Variants in MOV10 observed in about 807,000 individuals in gnomAD.
The protein encoded by MOV10 is RNA helicase MOV-10.
In MOV10, 39 loss-of-function variants were observed where a neutral mutation model predicts 108.4. The ratio of observed to expected loss-of-function variants is 0.36; its 90% CI spans 0.28 to 0.47. MOV10 has a LOEUF of 0.47. Among genes scored for constraint, MOV10 ranks in the 20% least tolerant of loss-of-function variants. The pLI is 1.00. For missense variants in MOV10, 952 were observed against 1,297.6 expected, an observed-to-expected ratio of 0.73 and a Z score of 4.09; for synonymous variants, 490 against 523.1, an observed-to-expected ratio of 0.94 and a Z score of 0.86.
At chr1:112,678,420 G>C (rs1039810601) in intron 2 of MOV10, among the ~76,000 whole-genome samples, 2 of 152,022 alleles carry the variant, frequency 1.3e-5, no homozygotes, top group South Asian at 4.1e-4. Context: ...ATATACAAAA[G>C]GAACCCAACT....
intron 14 of MOV10, among the ~76,000 whole-genome samples, chr1:112,697,207 G>C (rs35673543): frequency 0.031 from 4,721 of 152,224 alleles, 121 homozygotes; most frequent in Non-Finnish European, 0.047. Flanking sequence ...TGTAATCCCA[G>C]CACTTTGGGA....
intron 13 of MOV10, 33 bp downstream of exon 13, chr1:112,696,567 C>T (rs765043470): frequency 6.2e-7 from 1 of 1,610,982 alleles, no homozygotes; most frequent in Non-Finnish European, 8.5e-7. Context: ...CAGGTATACA[C>T]CCTGTGTGGG....
At position 112,694,812 on chromosome 1, in the gene MOV10, G is replaced by A. The variant is rs754526699; in HGVS notation, c.1536G>A (p.Thr512=). 15 of 1,613,992 alleles carry A rather than the reference G, an allele frequency of 9.3e-6. No homozygotes were observed. The highest frequency in any genetic ancestry group is 6.7e-5 in the African/African-American group (5 of 74,868). Residue 512 remains threonine (T), a synonymous_variant, in exon 10 of 21, where the codon ACG becomes ACA. Coordinates refer to ENST00000369645, the MANE Select transcript of MOV10 (RefSeq NM_001321324.2). The surrounding 1 kb of genome is among the most constrained non-coding windows in gnomAD (Gnocchi z 4.1). ...EQLQAMRHIV[T]GTTRPAPYII... is the part of the protein sequence containing the mutation. ...TGCAGGCCATGAGGCACATTGTTAC[G>A]GGCACCACCCGTCCAGCCCCCTACA...
In MOV10 at chr1:112,694,328, C is replaced by G; in HGVS notation, c.1296-125C>G. The G allele has an allele frequency of 7.0e-7, 1 of 1,431,914 alleles. No homozygotes were observed. The highest frequency in any genetic ancestry group is 9.7e-7 in the Non-Finnish European group (1 of 1,034,430). 88.7% of individuals were successfully genotyped at this position (1,431,914 alleles called of 1,614,324 possible). On this transcript the variant is annotated intron_variant, in intron 8 of 20. Coordinates refer to ENST00000369645, the MANE Select transcript of MOV10 (RefSeq NM_001321324.2). This position sits in a 1 kb window ranked among gnomAD's most constrained non-coding sequence, Gnocchi z 4.1. Reference sequence around the variant, plus strand: ...TGAGATGCTACGGCAGCTTCCTCTTCTAGAGAACTTGCATAGAGGTCTTGG... The same window carrying G: ...TGAGATGCTACGGCAGCTTCCTCTTGTAGAGAACTTGCATAGAGGTCTTGG...
Position 112,696,667 on chromosome 1 carries a change from G to T in MOV10, c.2019G>T (p.Gly673=). Residue 673 remains glycine (G), a synonymous_variant, in exon 14 of 21, where the codon GGG becomes GGT. Coordinates refer to ENST00000369645, the MANE Select transcript of MOV10 (RefSeq NM_001321324.2). ...MEVKETGDPG[G]QLVLAGDPRQ... is the part of the protein sequence containing the mutation. ...TAAAGGAAACAGGTGATCCAGGAGG[G>T]CAGCTGGTGCTGGCAGGAGACCCTC... 1 of 1,611,228 alleles carries T rather than the reference G, an allele frequency of 6.2e-7. No homozygotes were observed. Among genetic ancestry groups the T allele is most frequent in the Admixed American group, 1.7e-5 (1 of 59,408 alleles).
rs768924193 is a variant in MOV10, at chr1:112,694,775, A to G, written c.1499A>G (p.Asn500Ser). 1 of 1,613,882 alleles carries G rather than the reference A, an allele frequency of 6.2e-7. No individual in the cohort carries two copies. Among genetic ancestry groups the G allele is most frequent in the Non-Finnish European group, 8.5e-7 (1 of 1,179,982 alleles). ...LKLYDRSLES[N>S]PEQLQAMRHI... The stretch of plus-strand genomic sequence containing the variant: ...CTGTACGACCGGAGTCTGGAGTCAA[A>G]CCCAGAGCAGCTGCAGGCCATGAGG... The change falls in exon 10 of 21, where the codon AAC becomes AGC. Residue 500 changes from asparagine to serine, a missense_variant. Around this residue, in one of 5 missense-constraint regions of MOV10, gnomAD observed 453 missense variants for 611.5 expected, o/e 0.74. Transcript: ENST00000369645. The surrounding 1 kb of genome is among the most constrained non-coding windows in gnomAD (Gnocchi z 4.1).
rs1465743811 is a variant in MOV10 at position 112,696,203 on chromosome 1, A to C, written c.1835A>C (p.Lys612Thr). 2 of 1,613,916 alleles carry C rather than the reference A, an allele frequency of 1.2e-6. No homozygotes were observed. The highest frequency in any genetic ancestry group is 1.7e-6 in the Non-Finnish European group (2 of 1,179,984). Residue 612 changes from lysine to threonine, a missense_variant, in exon 12 of 21, where the codon AAG (lysine) becomes ACG (threonine). Transcript: ENST00000369645. ...KGEYVFPAKKKLQEYRVLITT... is the reference protein window; with the variant it reads ...KGEYVFPAKKTLQEYRVLITT... ...GAGTATGTATTTCCCGCCAAGAAGA[A>C]GCTGCAGGAATACCGGGTCTTAATT...
In MOV10 at chr1:112,695,411, C is replaced by T; in HGVS notation, c.1621-5C>T. On this transcript the variant is annotated splice_polypyrimidine_tract_variant and splice_region_variant and intron_variant, in intron 10 of 20. Coordinates refer to ENST00000369645, the MANE Select transcript of MOV10 (RefSeq NM_001321324.2). ...CCTCCCACACTGCGCTTATCTGCAT[C>T]TCAGGTGGTGAAGCACTTGCCCAAA... is the stretch of plus-strand genomic sequence containing the variant. 1 of 1,613,794 alleles carries T rather than the reference C, an allele frequency of 6.2e-7. No individual in the cohort carries two copies. Among genetic ancestry groups the T allele is most frequent in the South Asian group, 1.1e-5 (1 of 91,018 alleles).
chr1:112,686,355 G>A (rs993131506), intron 2 of MOV10, among the ~76,000 whole-genome samples: 7 of 152,186 alleles, frequency 4.6e-5, no homozygotes, highest in African/African-American at 1.7e-4. Flanking sequence ...GAAAGTTACT[G>A]ATGATCTCCT....
At chr1:112,689,387 A>ACCC (rs3833533) in intron 3 of MOV10, 28 bp from the exon 4 acceptor site, 10 of 980,366 alleles carry the variant, frequency 1.0e-5, no homozygotes, top group African/African-American at 1.6e-5. Flanking sequence ...TCCCACCCCA[A>ACCC]CCCCCCCTTG....
chr1:112,699,846 A>G (rs749933263), intron 18 of MOV10, 36 bp downstream of exon 18: 1 of 1,614,014 alleles, frequency 6.2e-7, no homozygotes, highest in Non-Finnish European at 8.5e-7. Context: ...GAATTCTTCC[A>G]TTCTCGGGGC....
intron 6 of MOV10, 63 bp from the exon 7 acceptor site, chr1:112,692,698 A>C: frequency 6.3e-7 from 1 of 1,592,028 alleles, no homozygotes; most frequent in Non-Finnish European, 8.6e-7. Flanking sequence ...ACTCCTGGGC[A>C]TAGGGGTTGT....
chr1:112,698,029 T>C lies in MOV10; in HGVS notation c.2234T>C (p.Leu745Pro). The C allele has an allele frequency of 6.2e-7, 1 of 1,614,174 alleles. No homozygotes were observed. Among genetic ancestry groups the C allele is most frequent in the Non-Finnish European group, 8.5e-7 (1 of 1,180,020 alleles). The change falls in exon 15 of 21, where the codon CTC becomes CCC. Residue 745 changes from leucine to proline, a missense_variant. Transcript: ENST00000369645. ...HPTILDIPNQ[L>P]YYEGELQACA... ...ACCATCCTGGACATTCCTAACCAGCTCTATTATGAAGGGGAGCTGCAGGCC... is the reference window on the plus strand; with the variant it reads ...ACCATCCTGGACATTCCTAACCAGCCCTATTATGAAGGGGAGCTGCAGGCC...
chr1:112,700,169 G>A, intron 19 of MOV10, 50 bp from the exon 20 acceptor site: 8 of 1,613,048 alleles, frequency 5.0e-6, no homozygotes, highest in Non-Finnish European at 6.8e-6. Context: ...GATGGGACAG[G>A]ACCGTGGCTT....
intron 17 of MOV10, 178 bp from the exon 18 acceptor site, chr1:112,699,507 G>T: frequency 6.9e-7 from 1 of 1,443,012 alleles, no homozygotes. Context: ...TCATGTTTCA[G>T]CTTCCACAGC....
chr1:112,691,593 C>T, intron 5 of MOV10, 72 bp from the exon 6 acceptor site: 2 of 1,547,700 alleles, frequency 1.3e-6, no homozygotes, highest in African/African-American at 1.4e-5. Context: ...TTTGTGCATC[C>T]ACCCCAGAGG....
At chr1:112,690,446 G>A (rs1415379582) in intron 5 of MOV10, among the ~76,000 whole-genome samples, 2 of 151,978 alleles carry the variant, frequency 1.3e-5, no homozygotes, top group African/African-American at 2.4e-5. Context: ...TGCAACCTCC[G>A]CCTCCTGGGC....
chr1:112,675,108 C>T lies in MOV10; in HGVS notation c.137+59C>T. The T allele has an allele frequency of 6.4e-7, 1 of 1,559,176 alleles. No individual in the cohort carries two copies. On this transcript the variant is annotated intron_variant, in intron 2 of 20. Transcript: ENST00000369645. The surrounding 1 kb of genome is among the most constrained non-coding windows in gnomAD (Gnocchi z 4.7). ...GGGCCCAGCTTGCTGCCACGACCCC[C>T]GCGCGAGGGCCACCTTTCCCGCCCC...
intron 10 of MOV10, 68 bp from the exon 11 acceptor site, chr1:112,695,348 C>A: frequency 6.5e-7 from 1 of 1,538,106 alleles, no homozygotes; most frequent in Admixed American, 1.8e-5. Flanking sequence ...TAGACTTGCC[C>A]TGCCCCAGCC....
Sources: allele counts gnomAD v4.1 joint callset (sites outside exome capture counted in the v4.1 genomes callset), GRCh38; gene constraint gnomAD v4.1.1; regional missense constraint gnomAD v4.1.1; non-coding constraint Gnocchi (gnomAD v3.1); transcripts MANE v1.5; gene names NCBI Gene and HGNC (gene_info 2026-07-23, HGNC 2026-07-21).